METTL16: variants seen among roughly 807,000 people sequenced by gnomAD.
The protein encoded by METTL16 is RNA N(6)-adenosine-methyltransferase METTL16.
METTL16 carries 19 observed loss-of-function variants against 57.9 expected under a neutral mutation model. The observed-to-expected ratio is 0.33, with a 90% CI of 0.23 to 0.48. The LOEUF (loss-of-function observed/expected upper bound fraction) is 0.48. METTL16 is among the 20% of genes least tolerant of loss of function. The pLI is 0.99. For synonymous variants in METTL16, 246 were observed against 255.6 expected (o/e 0.96, Z 0.36); for missense variants, 434 against 691.5 (o/e 0.63, Z 4.18).
chr17:2,462,660 C>T (rs1052136021), intron 6 of METTL16, among the ~76,000 whole-genome samples: 12 of 152,044 alleles, frequency 7.9e-5, no homozygotes, highest in African/African-American at 2.4e-4. Flanking sequence ...CCTCTGGCCA[C>T]GTAATGATGT....
intron 8 of METTL16, among the ~76,000 whole-genome samples, chr17:2,437,166 G>T (rs1597442967): frequency 6.6e-6 from 1 of 152,164 alleles, no homozygotes; most frequent in Non-Finnish European, 1.5e-5. Flanking sequence ...ACAGGTGTGA[G>T]CCACCAGGCC....
intron 6 of METTL16, among the ~76,000 whole-genome samples, chr17:2,462,251 A>T (rs1305710023): frequency 6.6e-6 from 1 of 152,224 alleles, no homozygotes; most frequent in Non-Finnish European, 1.5e-5. Flanking sequence ...GTATGATTCC[A>T]TTTGTATGAA....
intron 1 of METTL16, among the ~76,000 whole-genome samples, chr17:2,504,920 T>C (rs981170182): frequency 6.6e-6 from 1 of 152,154 alleles, no homozygotes; most frequent in Non-Finnish European, 1.5e-5. Context: ...TATTTGGTAG[T>C]GTACCATAAC....
chr17:2,511,704 C>T (rs965729268), intron 1 of METTL16, 55 bp downstream of exon 1: 1 of 396,488 alleles, frequency 2.5e-6, no homozygotes, highest in Non-Finnish European at 4.4e-6. Context: ...CCGTGTGATC[C>T]ACGGGTTAAG....
intron 2 of METTL16, among the ~76,000 whole-genome samples, chr17:2,489,538 G>A (rs72805763): frequency 0.074 from 11,132 of 151,302 alleles, 804 homozygotes; most frequent in East Asian, 0.31. Flanking sequence ...AACTGTAATC[G>A]CCATTTAATA....
chr17:2,508,804 C>T (rs2067566400), intron 1 of METTL16, among the ~76,000 whole-genome samples: 1 of 152,132 alleles, frequency 6.6e-6, no homozygotes, highest in Non-Finnish European at 1.5e-5. Flanking sequence ...AGTCTAAAAT[C>T]ATTAAAAAGG....
intron 2 of METTL16, among the ~76,000 whole-genome samples, chr17:2,484,879 C>T (rs1436113536): frequency 6.6e-6 from 1 of 152,150 alleles, no homozygotes. Flanking sequence ...AACCAGTGAT[C>T]CATGTTTTCA....
chr17:2,505,395 ATTTTTTTTTTTTTTTTTTTTTTT>A (rs564797281), intron 1 of METTL16, among the ~76,000 whole-genome samples: 9 of 50,554 alleles, frequency 1.8e-4, no homozygotes, highest in Non-Finnish European at 8.6e-5. Flanking sequence ...GCCCAGAGGC[ATTTTTTTTTTTTTTTTTTTTTTT>A]TTTTTTTTTT....
chr17:2,507,393 G>T (rs2067551115), intron 1 of METTL16, among the ~76,000 whole-genome samples: 1 of 148,796 alleles, frequency 6.7e-6, no homozygotes. Flanking sequence ...TCAGCCCCCA[G>T]CCCGGCCAGC....
intron 3 of METTL16, chr17:2,477,480 G>A (rs1206536582): frequency 1.6e-5 from 9 of 559,906 alleles, no homozygotes; most frequent in Admixed American, 3.0e-5. Context: ...ACGCTCCAAC[G>A]CACATTGCCT....
At chr17:2,504,696 T>C (rs536764981) in intron 1 of METTL16, among the ~76,000 whole-genome samples, 15 of 152,102 alleles carry the variant, frequency 9.9e-5, no homozygotes, top group African/African-American at 2.4e-4. Flanking sequence ...GCTGGGACTA[T>C]AGGTATGTGC....
chr17:2,447,298 T>A (rs2067007329), intron 6 of METTL16, among the ~76,000 whole-genome samples: 1 of 145,330 alleles, frequency 6.9e-6, no homozygotes, highest in Non-Finnish European at 1.5e-5. Context: ...GAGGAGCGTC[T>A]CTGCCCGGCC....
intron 2 of METTL16, among the ~76,000 whole-genome samples, chr17:2,478,982 C>T (rs1475401501): frequency 6.6e-6 from 1 of 152,060 alleles, no homozygotes; most frequent in Admixed American, 6.6e-5. Context: ...CATACGTTTT[C>T]GCTGCTCTTG....
intron 8 of METTL16, among the ~76,000 whole-genome samples, chr17:2,435,628 A>C (rs2066903605): frequency 6.6e-6 from 1 of 152,010 alleles, no homozygotes; most frequent in Non-Finnish European, 1.5e-5. Context: ...CGTCTAACAG[A>C]ACACTTGGGA....
At chr17:2,456,764 C>T (rs940131661) in intron 6 of METTL16, among the ~76,000 whole-genome samples, 2 of 151,944 alleles carry the variant, frequency 1.3e-5, no homozygotes, top group Non-Finnish European at 2.9e-5. Context: ...TTACCACACC[C>T]GGACTGTCAA....
intron 6 of METTL16, among the ~76,000 whole-genome samples, chr17:2,453,959 T>C (rs556771503): frequency 6.6e-6 from 1 of 152,324 alleles, no homozygotes; most frequent in African/African-American, 2.4e-5. Context: ...TATTATTCTT[T>C]CTATATTTAT....
At chr17:2,483,673 T>A (rs2067322539) in intron 2 of METTL16, among the ~76,000 whole-genome samples, 1 of 152,198 alleles carries the variant, frequency 6.6e-6, no homozygotes. Flanking sequence ...ATTTGCACTA[T>A]CTTTGTATTT....
chr17:2,431,592 T>A (rs2066874578), intron 8 of METTL16, among the ~76,000 whole-genome samples: 1 of 152,128 alleles, frequency 6.6e-6, no homozygotes, highest in Non-Finnish European at 1.5e-5. Flanking sequence ...CCCAGCTGCA[T>A]GAGAGGATCG....
intron 8 of METTL16, among the ~76,000 whole-genome samples, chr17:2,427,908 G>A (rs1238032549): frequency 6.8e-6 from 1 of 148,096 alleles, no homozygotes; most frequent in East Asian, 2.1e-4. Flanking sequence ...GAGCCCAAGA[G>A]TTTGAGACCA....
Sources: allele counts gnomAD v4.1 joint callset (sites outside exome capture counted in the v4.1 genomes callset), GRCh38; gene constraint gnomAD v4.1.1; transcripts MANE v1.5; gene names NCBI Gene and HGNC (gene_info 2026-07-23, HGNC 2026-07-21).